Variants in EPHA5 observed in about 807,000 individuals in gnomAD.
EPHA5 encodes the protein ephrin type-A receptor 5.
Under a neutral mutation model 105.0 loss-of-function variants are expected in EPHA5, and 60 were observed. The observed-to-expected ratio is 0.57, with a 90% CI of 0.46 to 0.71. EPHA5 has a LOEUF of 0.71. Ranked by LOEUF, EPHA5 falls within the 30% of genes least tolerant of loss-of-function variation. EPHA5 has a pLI of 0.00. For synonymous variants in EPHA5, 513 were observed against 449.1 expected, an observed-to-expected ratio of 1.14 and a Z score of -1.80; for missense variants, 1,218 against 1,274.7, an observed-to-expected ratio of 0.96 and a Z score of 0.68.
At chr4:65,657,264 CAT>C (rs891773230) in intron 1 of EPHA5, among the ~76,000 whole-genome samples, 8 of 151,850 alleles carry the variant, frequency 5.3e-5, no homozygotes, top group Non-Finnish European at 1.2e-4. Flanking sequence ...TTTAGAAACA[CAT>C]GTTTTATATT....
rs962093015 is a variant in EPHA5 at position 65,357,259 on chromosome 4, T to A, written c.2174-4156A>T. Among the ~76,000 whole-genome samples the A allele has an allele frequency of 1.4e-4, 21 of 151,432 alleles. No individual in the cohort carries two copies. The Admixed American group carries it at 1.4e-3, about 10-fold the overall frequency. On this transcript the variant is annotated intron_variant, in intron 11 of 16. Transcript: ENST00000613740. Reference sequence around the variant, plus strand: ...AGAAGGCAAGTAAGGCTCAGAAAGGTTCAATATATTACTCGGGTTGTCTGG... The same window carrying A: ...AGAAGGCAAGTAAGGCTCAGAAAGGATCAATATATTACTCGGGTTGTCTGG...
At chr4:65,346,833 C>A (rs555525159) in intron 14 of EPHA5, among the ~76,000 whole-genome samples, 18 of 152,276 alleles carry the variant, frequency 1.2e-4, no homozygotes, top group African/African-American at 3.8e-4. Context: ...TATGAACAGA[C>A]ACTTCTCAAA....
At chr4:65,421,135 T>C (rs1377914184) in intron 5 of EPHA5, among the ~76,000 whole-genome samples, 1 of 152,118 alleles carries the variant, frequency 6.6e-6, no homozygotes, top group Non-Finnish European at 1.5e-5. Context: ...TTTTCTCATA[T>C]ATTTCCTTAG....
Position 65,404,491 on chromosome 4 carries a change from T to C in EPHA5, c.1688-12A>G, listed in dbSNP as rs370798945. 51 of 1,611,722 alleles carry C rather than the reference T, an allele frequency of 3.2e-5. No homozygotes were observed. Among genetic ancestry groups the C allele is most frequent in the Non-Finnish European group, 4.2e-5 (49 of 1,178,126 alleles). ...GGATGCTGCAACTGCTGATAGGAGATACAGAAAATGGAGCTTGTGGTTAAA... is the reference window on the plus strand; with the variant it reads ...GGATGCTGCAACTGCTGATAGGAGACACAGAAAATGGAGCTTGTGGTTAAA... On this transcript the variant is annotated splice_polypyrimidine_tract_variant and intron_variant, in intron 7 of 16. Coordinates refer to ENST00000613740, the MANE Select transcript of EPHA5 (RefSeq NM_001281766.3).
At chr4:65,586,402 G>T (rs948764200) in intron 3 of EPHA5, among the ~76,000 whole-genome samples, 1 of 151,534 alleles carries the variant, frequency 6.6e-6, no homozygotes, top group Non-Finnish European at 1.5e-5. Context: ...ATAGTCATAT[G>T]AATATAATTA....
chr4:65,327,589 G>T (rs1720206227), intron 16 of EPHA5, among the ~76,000 whole-genome samples: 1 of 151,204 alleles, frequency 6.6e-6, no homozygotes, highest in African/African-American at 2.4e-5. Context: ...TTAGAAGATA[G>T]GATAACTATA....
At chr4:65,639,430 C>T (rs1747443979) in intron 2 of EPHA5, among the ~76,000 whole-genome samples, 1 of 152,136 alleles carries the variant, frequency 6.6e-6, no homozygotes, top group South Asian at 2.1e-4. Context: ...TTCTGGACCC[C>T]ATTATTTCTA....
At chr4:65,533,280 A>G (rs1006282754) in intron 3 of EPHA5, among the ~76,000 whole-genome samples, 4 of 152,178 alleles carry the variant, frequency 2.6e-5, no homozygotes, top group Non-Finnish European at 5.9e-5. Flanking sequence ...TCCATTTGAA[A>G]AATTTTTGCC....
intron 3 of EPHA5, among the ~76,000 whole-genome samples, chr4:65,555,220 G>A (rs1738310032): frequency 6.6e-6 from 1 of 151,790 alleles, no homozygotes; most frequent in Admixed American, 6.6e-5. Flanking sequence ...GTGTGTTCAG[G>A]TTTAGCAGAT....
intron 5 of EPHA5, among the ~76,000 whole-genome samples, chr4:65,438,232 A>T (rs1387640452): frequency 2.0e-5 from 3 of 151,990 alleles, no homozygotes; most frequent in Non-Finnish European, 2.9e-5. Flanking sequence ...CAAAATAATC[A>T]TAACAATAAC....
At chr4:65,412,996 C>T (rs1419880088) in intron 7 of EPHA5, among the ~76,000 whole-genome samples, 1 of 152,020 alleles carries the variant, frequency 6.6e-6, no homozygotes, top group African/African-American at 2.4e-5. Context: ...ACCACATAAG[C>T]AATATTTATT....
At chr4:65,636,581 C>T (rs1747140024) in intron 2 of EPHA5, among the ~76,000 whole-genome samples, 1 of 151,690 alleles carries the variant, frequency 6.6e-6, no homozygotes, top group Non-Finnish European at 1.5e-5. Context: ...ATTATTAGTA[C>T]TAAATGTTGG....
chr4:65,638,461 G>A (rs751188056), intron 2 of EPHA5, among the ~76,000 whole-genome samples: 1 of 152,100 alleles, frequency 6.6e-6, no homozygotes, highest in Non-Finnish European at 1.5e-5. Context: ...AGGCAGACTG[G>A]GCACGGTGGC....
chr4:65,593,826 A>T (rs1742915098), intron 3 of EPHA5, among the ~76,000 whole-genome samples: 1 of 152,210 alleles, frequency 6.6e-6, no homozygotes, highest in Admixed American at 6.5e-5. Context: ...ATACCTCCTG[A>T]TGCTTTCAGA....
intron 3 of EPHA5, among the ~76,000 whole-genome samples, chr4:65,549,551 A>AT (rs34958940): frequency 0.87 from 132,746 of 152,062 alleles, 58,066 homozygotes; most frequent in Admixed American, 0.9. Flanking sequence ...TTCTAAGTTG[A>AT]CTTTTTCTAG....
At chr4:65,635,572 T>C (rs961411979) in intron 2 of EPHA5, among the ~76,000 whole-genome samples, 2 of 152,084 alleles carry the variant, frequency 1.3e-5, no homozygotes, top group African/African-American at 4.8e-5. Flanking sequence ...AGGTGTATCT[T>C]GTGATCTTAC....
chr4:65,348,029 T>C (rs1365094017), intron 14 of EPHA5, 25 bp downstream of exon 14: 6 of 1,546,832 alleles, frequency 3.9e-6, no homozygotes, highest in Non-Finnish European at 5.2e-6. Flanking sequence ...ATTGTCAAGT[T>C]GGGAAAGAGT....
At chr4:65,643,779 G>A (rs1231569444) in intron 1 of EPHA5, among the ~76,000 whole-genome samples, 7 of 151,802 alleles carry the variant, frequency 4.6e-5, no homozygotes, top group South Asian at 4.2e-4. Flanking sequence ...TACAAAGCTC[G>A]AGGTTTTGGG....
At chr4:65,380,716 A>AT (rs1201322511) in intron 8 of EPHA5, among the ~76,000 whole-genome samples, 1 of 151,768 alleles carries the variant, frequency 6.6e-6, no homozygotes, top group East Asian at 1.9e-4. Context: ...TAATTTTCCT[A>AT]TTTCAAATTA....
Sources: gnomAD v4.1 joint callset for allele counts (sites outside exome capture counted in the v4.1 genomes callset) on GRCh38, gnomAD v4.1.1 for gene constraint, MANE v1.5 for transcripts, NCBI Gene and HGNC (gene_info 2026-07-23, HGNC 2026-07-21) for gene names.